Variants in RBFOX1 observed in about 807,000 individuals in gnomAD.
The protein encoded by RBFOX1 is RNA binding fox-1 homolog 1.
A neutral mutation model predicts 57.7 loss-of-function variants in RBFOX1; 8 were observed. The ratio of observed to expected loss-of-function variants is 0.14; its 90% CI spans 0.08 to 0.25. RBFOX1 has a LOEUF of 0.25. RBFOX1 is among the 10% of genes least tolerant of loss of function. The probability of loss-of-function intolerance (pLI) is 1.00; values close to 1 mark genes in which losing one functional copy is unlikely to be tolerated. For missense variants in RBFOX1, 611 were observed against 548.5 expected, an observed-to-expected ratio of 1.11 and a Z score of -1.14; for synonymous variants, 326 against 222.4, an observed-to-expected ratio of 1.47 and a Z score of -4.15.
At chr16:7,273,837 C>G (rs1342851536) in intron 4 of RBFOX1, among the ~76,000 whole-genome samples, 2 of 152,172 alleles carry the variant, frequency 1.3e-5, no homozygotes, top group African/African-American at 2.4e-5. Context: ...TTGCCTTTCT[C>G]TCTTTCTGTC....
intron 3 of RBFOX1, among the ~76,000 whole-genome samples, chr16:6,666,096 C>T (rs185085378): frequency 1.3e-5 from 2 of 152,270 alleles, no homozygotes; most frequent in African/African-American, 4.8e-5. Context: ...ATAAAACGTG[C>T]CTTTTGCCTC....
At chr16:5,871,921 T>C (rs17138779) in intron 4 of RBFOX1, among the ~76,000 whole-genome samples, 19,761 of 152,114 alleles carry the variant, frequency 0.13, 1,351 homozygotes, top group East Asian at 0.2. Context: ...CCCAAATAAT[T>C]GCAATGGGAA....
At chr16:7,274,274 A>G (rs983837976) in intron 4 of RBFOX1, among the ~76,000 whole-genome samples, 1 of 152,234 alleles carries the variant, frequency 6.6e-6, no homozygotes, top group East Asian at 1.9e-4. Context: ...ATTGTCATTT[A>G]ATCGTCACAA....
At chr16:6,496,390 G>A (rs547888500) in intron 2 of RBFOX1, among the ~76,000 whole-genome samples, 4 of 152,140 alleles carry the variant, frequency 2.6e-5, no homozygotes, top group African/African-American at 4.8e-5. Flanking sequence ...TGCGGCAGGC[G>A]TTTGTGTTGC....
chr16:7,369,917 A>T (rs772830169), intron 4 of RBFOX1, among the ~76,000 whole-genome samples: 4 of 152,224 alleles, frequency 2.6e-5, no homozygotes, highest in Non-Finnish European at 5.9e-5. Flanking sequence ...GAAGAAATTG[A>T]AGCTTGGAAA....
intron 4 of RBFOX1, among the ~76,000 whole-genome samples, chr16:7,207,700 G>A (rs1347045897): frequency 1.3e-5 from 2 of 152,220 alleles, no homozygotes; most frequent in South Asian, 2.1e-4. Flanking sequence ...TGCAACAACT[G>A]TGGAGCTACC....
intron 4 of RBFOX1, among the ~76,000 whole-genome samples, chr16:7,073,430 C>T (rs2057728166): frequency 6.6e-6 from 1 of 152,226 alleles, no homozygotes; most frequent in Admixed American, 6.5e-5. Flanking sequence ...TAGCCGAGCG[C>T]TGCCAGAACA....
At chr16:7,142,537 G>A (rs1042387432) in intron 4 of RBFOX1, among the ~76,000 whole-genome samples, 12 of 152,064 alleles carry the variant, frequency 7.9e-5, no homozygotes, top group Non-Finnish European at 1.8e-4. Context: ...ACTGTTCTCC[G>A]CATGGCCGGC....
At chr16:6,041,839 C>G (rs1420740573) in intron 1 of RBFOX1, among the ~76,000 whole-genome samples, 5 of 152,166 alleles carry the variant, frequency 3.3e-5, no homozygotes, top group Non-Finnish European at 4.4e-5. Flanking sequence ...GCTGCTGGAA[C>G]AAATCATCAC....
At chr16:5,818,037 G>A (rs1244908104) in intron 3 of RBFOX1, among the ~76,000 whole-genome samples, 1 of 152,180 alleles carries the variant, frequency 6.6e-6, no homozygotes, top group Non-Finnish European at 1.5e-5. Context: ...GGTGAAAGCA[G>A]TAGGGTCTTT....
chr16:6,127,656 A>G (rs12932200), intron 1 of RBFOX1, among the ~76,000 whole-genome samples: 56,004 of 151,998 alleles, frequency 0.37, 11,112 homozygotes, highest in Non-Finnish European at 0.45. Context: ...CCCAGCAAGG[A>G]CAGTTTATGG....
chr16:6,716,459 T>A (rs2064839823), intron 3 of RBFOX1, among the ~76,000 whole-genome samples: 1 of 152,234 alleles, frequency 6.6e-6, no homozygotes, highest in African/African-American at 2.4e-5. Flanking sequence ...TTTATTGCAT[T>A]TTCCATATTT....
intron 3 of RBFOX1, among the ~76,000 whole-genome samples, chr16:5,693,008 C>T (rs11863790): frequency 0.23 from 34,826 of 152,082 alleles, 5,494 homozygotes; most frequent in East Asian, 0.81. Context: ...TTCCAGCTTC[C>T]CCCCAGCTCT....
intron 15 of RBFOX1, chr16:7,710,388 C>CCTTA: frequency 7.3e-7 from 1 of 1,375,338 alleles, no homozygotes; most frequent in Non-Finnish European, 9.3e-7. Context: ...GTCCTTTTAG[C>CCTTA]TAAGAGGACT....
chr16:5,917,820 C>T (rs2058741848), intron 4 of RBFOX1, among the ~76,000 whole-genome samples: 2 of 152,292 alleles, frequency 1.3e-5, no homozygotes, highest in African/African-American at 4.8e-5. Context: ...GGTTGTGACT[C>T]TTCTCTGTTT....
Position 6,193,380 on chromosome 16 carries a change from T to A in RBFOX1, c.-126-123615T>A, listed in dbSNP as rs1313899395. Among the ~76,000 whole-genome samples, 353 of 55,832 alleles carry A rather than the reference T, an allele frequency of 6.3e-3. 3 individuals are homozygous for A. The highest frequency in any genetic ancestry group is 0.022 in the African/African-American group (346 of 15,658). 36.6% of individuals were successfully genotyped at this position (55,832 alleles called of 152,430 possible). A position where few individuals can be genotyped will look rare whatever the true frequency, so the allele number is the denominator to read the frequency against. On this transcript the variant is annotated intron_variant, in intron 1 of 15. Coordinates refer to ENST00000550418, the MANE Select transcript of RBFOX1 (RefSeq NM_018723.4). ...ATTATATATATATATATATATACAT[T>A]ATATATATATACTATATATATATAT...
intron 1 of RBFOX1, among the ~76,000 whole-genome samples, chr16:6,031,222 C>A (rs968080136): frequency 6.6e-6 from 1 of 151,946 alleles, no homozygotes; most frequent in African/African-American, 2.4e-5. Context: ...AGAGAGGAGA[C>A]CATGGTGAGC....
rs188209132 is a variant in RBFOX1 at position 7,044,432 on chromosome 16, G to A, written c.-15-7625G>A. On this transcript the variant is annotated intron_variant, in intron 3 of 15. Coordinates refer to ENST00000550418, the MANE Select transcript of RBFOX1 (RefSeq NM_018723.4). ...GATGAAAAAGGCTGAGTGAGAAAGC[G>A]TCTTTGGCCCTGTTGGCTAAATGAA... Among the ~76,000 whole-genome samples the A allele has an allele frequency of 2.0e-5, 3 of 152,268 alleles. No individual in the cohort carries two copies. The East Asian group carries it at 5.8e-4, about 29-fold the overall frequency.
At chr16:6,227,282 C>T (rs75743043) in intron 1 of RBFOX1, among the ~76,000 whole-genome samples, 2 of 152,094 alleles carry the variant, frequency 1.3e-5, no homozygotes, top group African/African-American at 4.8e-5. Context: ...TTCAGTGATT[C>T]TAAAACGGAG....
Sources: gnomAD v4.1 joint callset for allele counts (sites outside exome capture counted in the v4.1 genomes callset) on GRCh38, gnomAD v4.1.1 for gene constraint, MANE v1.5 for transcripts, NCBI Gene and HGNC (gene_info 2026-07-23, HGNC 2026-07-21) for gene names.